UBR1: variants seen among roughly 807,000 people sequenced by gnomAD.
The protein encoded by UBR1 is E3 ubiquitin-protein ligase UBR1.
In UBR1, 102 loss-of-function variants were observed where a neutral mutation model predicts 242.1. That is an observed-to-expected ratio of 0.42 (90% CI 0.36 to 0.50). The LOEUF is 0.50. Ranked by LOEUF, UBR1 falls within the 20% of genes least tolerant of loss-of-function variation. The pLI, the probability that UBR1 is intolerant of heterozygous loss-of-function variation, is 0.01. For missense variants in UBR1, 1,772 were observed against 2,101.8 expected (o/e 0.84, Z 3.07); for synonymous variants, 675 against 684.8 (o/e 0.99, Z 0.22).
Position 42,945,388 on chromosome 15 carries a change from T to C in UBR1, c.5191A>G (p.Ile1731Val). The change falls in exon 47 of 47, where the codon ATT becomes GTT. Residue 1731 changes from isoleucine to valine, a missense_variant. By Grantham distance (29) the Ile-to-Val change is conservative. Transcript: ENST00000290650. ...TGATTAGTCTCTTGGCTCCTAGCAA[T>C]CTCTTCTATAATGCAGTGTTGTTGC... ...VWQQHCIIEE[I>V]ARSQETNQML... 6.2e-7 allele frequency: 1 copy of C among 1,614,150 alleles called. No individual in the cohort carries two copies. The highest frequency in any genetic ancestry group is 8.5e-7 in the Non-Finnish European group (1 of 1,180,022).
intron 13 of UBR1, among the ~76,000 whole-genome samples, chr15:43,047,717 T>C (rs922524578): frequency 1.3e-5 from 2 of 152,316 alleles, no homozygotes; most frequent in Admixed American, 6.5e-5. Context: ...CCAACAACTG[T>C]ACATGCTTTC....
At chr15:43,094,313 T>A (rs1462861867) in intron 1 of UBR1, among the ~76,000 whole-genome samples, 1 of 151,896 alleles carries the variant, frequency 6.6e-6, no homozygotes, top group African/African-American at 2.4e-5. Context: ...ACGCCTGTAG[T>A]CCCAGCTCGG....
intron 29 of UBR1, among the ~76,000 whole-genome samples, chr15:43,011,454 T>A (rs2032922306): frequency 6.6e-6 from 1 of 152,104 alleles, no homozygotes. Flanking sequence ...AAGCACCCAA[T>A]AGAGATGGGC....
intron 4 of UBR1, among the ~76,000 whole-genome samples, chr15:43,074,485 G>A (rs570214252): frequency 5.3e-5 from 8 of 152,176 alleles, no homozygotes; most frequent in Admixed American, 1.3e-4. Flanking sequence ...ATGGAGTGCA[G>A]TGGCATGATC....
chr15:43,011,020 A>T (rs2032916602), intron 29 of UBR1, among the ~76,000 whole-genome samples: 1 of 151,732 alleles, frequency 6.6e-6, no homozygotes, highest in Non-Finnish European at 1.5e-5. Context: ...ATGTAATTAA[A>T]ATTTTAGCTA....
At chr15:43,061,916 C>T (rs2033692516) in intron 6 of UBR1, among the ~76,000 whole-genome samples, 1 of 151,892 alleles carries the variant, frequency 6.6e-6, no homozygotes, top group East Asian at 1.9e-4. Flanking sequence ...AAAGAACTTG[C>T]TCATGTAACC....
chr15:43,080,378 C>T (rs1259379348), intron 3 of UBR1, among the ~76,000 whole-genome samples: 1 of 152,198 alleles, frequency 6.6e-6, no homozygotes, highest in Non-Finnish European at 1.5e-5. Flanking sequence ...CATCATCCCC[C>T]AGCCACTAGC....
chr15:42,978,926 C>T (rs562084766), intron 37 of UBR1, among the ~76,000 whole-genome samples: 3 of 132,472 alleles, frequency 2.3e-5, no homozygotes, highest in Non-Finnish European at 4.7e-5. Context: ...GATGGAGTCT[C>T]GCTTTATTGC....
At chr15:43,052,266 C>T (rs117144802) in intron 12 of UBR1, among the ~76,000 whole-genome samples, 3 of 152,288 alleles carry the variant, frequency 2.0e-5, no homozygotes, top group East Asian at 1.9e-4. Flanking sequence ...ATAAATGCAA[C>T]TCAATGCAGA....
intron 34 of UBR1, 127 bp from the exon 35 acceptor site, chr15:42,989,094 A>C (rs1234362353): frequency 7.6e-6 from 6 of 785,780 alleles, no homozygotes; most frequent in Non-Finnish European, 8.1e-6. Flanking sequence ...CTCTTTGCCA[A>C]ATTAGAGATT....
At chr15:42,952,144 T>C in intron 45 of UBR1, 134 bp downstream of exon 45, 1 of 1,106,482 alleles carries the variant, frequency 9.0e-7, no homozygotes, top group Non-Finnish European at 1.4e-6. Context: ...TGCAATTTCA[T>C]GTCAATAACA....
chr15:43,086,400 T>C (rs1455616076), intron 1 of UBR1, among the ~76,000 whole-genome samples, 160 bp from the exon 2 acceptor site: 1 of 147,938 alleles, frequency 6.8e-6, no homozygotes. Context: ...AAAATTAAGC[T>C]TGGAAATAAG....
intron 33 of UBR1, among the ~76,000 whole-genome samples, chr15:42,997,954 A>G (rs1438914204): frequency 6.6e-6 from 1 of 152,202 alleles, no homozygotes; most frequent in Non-Finnish European, 1.5e-5. Context: ...TGGACTTGAT[A>G]GTATAATCAC....
chr15:43,086,453 AAAAG>A, intron 1 of UBR1, among the ~76,000 whole-genome samples: 1 of 151,974 alleles, frequency 6.6e-6, no homozygotes, highest in East Asian at 1.9e-4. Context: ...AAAAAAAAAA[AAAAG>A]AAGAGTAGCT....
chr15:42,965,524 C>T (rs1478656725), intron 41 of UBR1, among the ~76,000 whole-genome samples: 8 of 149,046 alleles, frequency 5.4e-5, no homozygotes, highest in East Asian at 4.0e-4. Flanking sequence ...AGTGCAGTGG[C>T]GCAATCTCGG....
At chr15:43,098,404 G>A (rs967926592) in intron 1 of UBR1, among the ~76,000 whole-genome samples, 1 of 152,166 alleles carries the variant, frequency 6.6e-6, no homozygotes, top group African/African-American at 2.4e-5. Flanking sequence ...AAATGGCACT[G>A]AAAGGCTTCC....
At chr15:43,105,836 C>T in intron 1 of UBR1, 106 bp downstream of exon 1, 1 of 1,105,350 alleles carries the variant, frequency 9.0e-7, no homozygotes, top group Admixed American at 1.9e-5. Flanking sequence ...ATCCAGATAA[C>T]TCCCCCTCCC....
intron 4 of UBR1, among the ~76,000 whole-genome samples, chr15:43,072,594 T>C (rs193064585): frequency 3.7e-4 from 56 of 152,330 alleles, no homozygotes; most frequent in Admixed American, 3.3e-4. Flanking sequence ...GACATCCTTG[T>C]CTTGTTTCTG....
intron 1 of UBR1, among the ~76,000 whole-genome samples, chr15:43,087,165 GGAGGCC>G (rs1567148861): frequency 1.3e-5 from 2 of 152,168 alleles, no homozygotes; most frequent in Non-Finnish European, 1.5e-5. Flanking sequence ...CAGCACTTTG[GGAGGCC>G]GAGGTGGGTG....
Sources: gnomAD v4.1 joint callset for allele counts (sites outside exome capture counted in the v4.1 genomes callset) on GRCh38, gnomAD v4.1.1 for gene constraint, MANE v1.5 for transcripts, NCBI Gene and HGNC (gene_info 2026-07-23, HGNC 2026-07-21) for gene names.